The following CCDC7 variants were observed in gnomAD, a reference collection of about 807,000 sequenced individuals.
CCDC7 encodes the protein coiled-coil domain-containing protein 7.
Under a neutral mutation model 196.9 loss-of-function variants are expected in CCDC7, and 183 were observed. The ratio of observed to expected loss-of-function variants is 0.93; its 90% confidence interval spans 0.82 to 1.05. The LOEUF (loss-of-function observed/expected upper bound fraction) is 1.05. Ranked by LOEUF, CCDC7 falls within the 50% of genes least tolerant of loss-of-function variation. The pLI, the probability that CCDC7 is intolerant of heterozygous loss-of-function variation, is 0.00. For missense variants in CCDC7, 1,540 were observed against 1,482.2 expected (o/e 1.04, Z -0.64); for synonymous variants, 525 against 484.6 (o/e 1.08, Z -1.10).
intron 11 of CCDC7, among the ~76,000 whole-genome samples, chr10:32,536,740 C>G (rs1157493810): frequency 3.3e-5 from 5 of 152,134 alleles, no homozygotes; most frequent in African/African-American, 9.7e-5. Context: ...GTTTAGCTCC[C>G]CCTTATAAGT....
chr10:32,509,428 G>C (rs1167600687), intron 9 of CCDC7, among the ~76,000 whole-genome samples: 1 of 151,294 alleles, frequency 6.6e-6, no homozygotes, highest in Non-Finnish European at 1.5e-5. Flanking sequence ...TTACCTGTAT[G>C]AGCTGAAACC....
intron 18 of CCDC7, among the ~76,000 whole-genome samples, chr10:32,605,064 A>T (rs1164368786): frequency 3.9e-5 from 6 of 152,042 alleles, no homozygotes; most frequent in Non-Finnish European, 7.4e-5. Flanking sequence ...GCTTGGTGCT[A>T]TCCTCATGGT....
At chr10:32,871,083 A>T (rs979374909) in intron 41 of CCDC7, among the ~76,000 whole-genome samples, 13 of 152,080 alleles carry the variant, frequency 8.5e-5, no homozygotes, top group African/African-American at 2.9e-4. Context: ...TGTCTCTGCC[A>T]GGCTTTGGTA....
At chr10:32,649,789 A>T (rs1243302143) in intron 20 of CCDC7, among the ~76,000 whole-genome samples, 6 of 152,202 alleles carry the variant, frequency 3.9e-5, no homozygotes, top group African/African-American at 1.4e-4. Context: ...TCTTTCCTCA[A>T]CTTGGTCTAT....
intron 28 of CCDC7, among the ~76,000 whole-genome samples, chr10:32,761,786 A>T (rs2077502986): frequency 6.6e-6 from 1 of 152,026 alleles, no homozygotes; most frequent in African/African-American, 2.4e-5. Flanking sequence ...AAAAACTGGA[A>T]TGAGGAAATA....
intron 32 of CCDC7, among the ~76,000 whole-genome samples, chr10:32,833,149 G>A (rs2092344688): frequency 6.6e-6 from 1 of 151,914 alleles, no homozygotes; most frequent in Admixed American, 6.6e-5. Flanking sequence ...AATATTTATA[G>A]GTGTAACAAC....
At chr10:32,530,043 T>C (rs2049380874) in intron 11 of CCDC7, among the ~76,000 whole-genome samples, 2 of 152,172 alleles carry the variant, frequency 1.3e-5, no homozygotes. Flanking sequence ...TTCCCCACTT[T>C]ATGTTTTTCT....
chr10:32,617,122 G>A (rs1273160876), intron 18 of CCDC7, among the ~76,000 whole-genome samples: 2 of 151,426 alleles, frequency 1.3e-5, no homozygotes, highest in Non-Finnish European at 3.0e-5. Context: ...GTATTTCTGT[G>A]GAATCAATTG....
At chr10:32,511,614 A>T in intron 9 of CCDC7, 1 of 1,590,380 alleles carries the variant, frequency 6.3e-7, no homozygotes, top group South Asian at 1.1e-5. Flanking sequence ...TTCTGCAACA[A>T]CTCATTTCTA....
chr10:32,646,939 T>C (rs1274846431), intron 20 of CCDC7, among the ~76,000 whole-genome samples: 1 of 152,230 alleles, frequency 6.6e-6, no homozygotes, highest in Non-Finnish European at 1.5e-5. Flanking sequence ...GTACATAGTA[T>C]TGCATGGTAT....
intron 41 of CCDC7, among the ~76,000 whole-genome samples, chr10:32,860,821 G>A (rs1391728504): frequency 1.3e-5 from 2 of 152,078 alleles, no homozygotes; most frequent in Non-Finnish European, 2.9e-5. Flanking sequence ...TTGCTACAAA[G>A]AGAATCAAAT....
intron 16 of CCDC7, among the ~76,000 whole-genome samples, chr10:32,574,916 A>T (rs192616820): frequency 6.6e-6 from 1 of 152,260 alleles, no homozygotes; most frequent in African/African-American, 2.4e-5. Flanking sequence ...TCATTCATTT[A>T]TTCACCCAAC....
At chr10:32,663,143 T>G (rs2071869736) in intron 20 of CCDC7, among the ~76,000 whole-genome samples, 1 of 152,202 alleles carries the variant, frequency 6.6e-6, no homozygotes. Context: ...ACACACCTCA[T>G]AAGTGCCACT....
At chr10:32,848,740 T>C (rs773532250) in intron 39 of CCDC7, 22 bp downstream of exon 40, 7 of 1,473,576 alleles carry the variant, frequency 4.8e-6, no homozygotes, top group Middle Eastern at 1.8e-4. Context: ...TGTATGTAGA[T>C]ATGAATTCAG....
chr10:32,445,777 C>T (rs1157747547), upstream of CCDC7, among the ~76,000 whole-genome samples: 1 of 152,186 alleles, frequency 6.6e-6, no homozygotes, highest in East Asian at 1.9e-4. Flanking sequence ...TGGTAATGAA[C>T]TCCACAATAC....
chr10:32,593,012 T>G (rs1158380345), intron 18 of CCDC7, among the ~76,000 whole-genome samples: 1 of 152,226 alleles, frequency 6.6e-6, no homozygotes, highest in Non-Finnish European at 1.5e-5. Context: ...TAAACATATG[T>G]GTGCATGTGT....
chr10:32,511,262 G>GGGGGGC, intron 9 of CCDC7: 1 of 480,160 alleles, frequency 2.1e-6, no homozygotes, highest in South Asian at 2.5e-5. Flanking sequence ...TGTGGGGGGC[G>GGGGGGC]GGGGGGGCGG....
intron 24 of CCDC7, among the ~76,000 whole-genome samples, chr10:32,699,211 C>G (rs1216628283): frequency 1.9e-5 from 2 of 107,340 alleles, no homozygotes; most frequent in Non-Finnish European, 3.6e-5. Context: ...CCCCTCCCCC[C>G]ACCCCACAAC....
intron 29 of CCDC7, among the ~76,000 whole-genome samples, chr10:32,803,118 T>C (rs2085132293): frequency 6.6e-6 from 1 of 152,254 alleles, no homozygotes; most frequent in Non-Finnish European, 1.5e-5. Flanking sequence ...TTAGACTTGT[T>C]TGTGGCCTGA....
Sources: allele counts gnomAD v4.1 joint callset (sites outside exome capture counted in the v4.1 genomes callset), GRCh38; gene constraint gnomAD v4.1.1; transcripts MANE v1.5; gene names NCBI Gene and HGNC (gene_info 2026-07-23, HGNC 2026-07-21).